The following RIN2 variants were observed in gnomAD, a reference collection of about 807,000 sequenced individuals.
The protein encoded by RIN2 is Ras and Rab interactor 2.
Under a neutral mutation model 78.0 loss-of-function variants are expected in RIN2, and 36 were observed. The observed-to-expected ratio is 0.46, with a 90% CI of 0.35 to 0.61. RIN2 has a LOEUF of 0.61. Ranked by LOEUF, RIN2 falls within the 20% of genes least tolerant of loss-of-function variation. The pLI is 0.00. For synonymous variants in RIN2, 466 were observed against 466.8 expected (o/e 1.00, Z 0.02); for missense variants, 1,087 against 1,159.7 (o/e 0.94, Z 0.91).
At chr20:19,938,988 C>T (rs1446339309) in intron 4 of RIN2, among the ~76,000 whole-genome samples, 1 of 152,184 alleles carries the variant, frequency 6.6e-6, no homozygotes, top group Non-Finnish European at 1.5e-5. Context: ...TCAATGGTGC[C>T]TCTATTCCTG....
At chr20:19,901,506 G>T (rs921918707) in intron 3 of RIN2, among the ~76,000 whole-genome samples, 1 of 152,196 alleles carries the variant, frequency 6.6e-6, no homozygotes, top group East Asian at 1.9e-4. Flanking sequence ...ACGATTGAGG[G>T]GCGGCTCTTC....
At chr20:19,941,225 G>A (rs1229369462) in intron 4 of RIN2, among the ~76,000 whole-genome samples, 1 of 152,190 alleles carries the variant, frequency 6.6e-6, no homozygotes, top group Non-Finnish European at 1.5e-5. Flanking sequence ...CAGTGGCTAT[G>A]TGACAGCATT....
At chr20:19,962,503 T>C (rs1292001666) in intron 6 of RIN2, among the ~76,000 whole-genome samples, 1 of 152,038 alleles carries the variant, frequency 6.6e-6, no homozygotes, top group Non-Finnish European at 1.5e-5. Flanking sequence ...CGAAGGTTTT[T>C]CCCCCATAAT....
intron 1 of RIN2, among the ~76,000 whole-genome samples, chr20:19,758,577 G>A (rs940121703): frequency 1.3e-5 from 2 of 152,196 alleles, no homozygotes; most frequent in African/African-American, 4.8e-5. Context: ...AGCGCGAGGT[G>A]GCCGCTGGTC....
intron 2 of RIN2, among the ~76,000 whole-genome samples, chr20:19,885,961 A>T (rs1274954732): frequency 2.3e-5 from 3 of 130,388 alleles, no homozygotes; most frequent in Non-Finnish European, 4.8e-5. Flanking sequence ...AGAGGAGAGG[A>T]GCGGAGGGGA....
intron 1 of RIN2, among the ~76,000 whole-genome samples, chr20:19,776,983 C>T (rs915487247): frequency 2.6e-5 from 4 of 152,164 alleles, no homozygotes; most frequent in Non-Finnish European, 5.9e-5. Flanking sequence ...TCATATTTGG[C>T]TCAGAATAAA....
rs367600361 is a variant in RIN2, at chr20:19,975,279, A to G, written c.1254A>G (p.Ser418=). ...CTRAPPPSSE[S]RPPCHGGRQR... ...GGGCCCCGCCGCCCAGCTCTGAATC[A>G]CGGCCCCCGTGCCATGGAGGCCGGC... The change falls in exon 9 of 13, where the codon TCA becomes TCG. Residue 418 remains serine, a synonymous_variant. Coordinates refer to ENST00000255006, the MANE Select transcript of RIN2 (RefSeq NM_018993.4). This position sits in a 1 kb window ranked among gnomAD's most constrained non-coding sequence, Gnocchi z 4.9. The G allele has an allele frequency of 4.8e-5, 76 of 1,596,354 alleles. No homozygotes were observed. Among genetic ancestry groups the G allele is most frequent in the Admixed American group, 2.1e-4 (12 of 57,152 alleles).
intron 2 of RIN2, among the ~76,000 whole-genome samples, chr20:19,824,815 T>C (rs537391121): frequency 1.2e-4 from 19 of 152,328 alleles, no homozygotes; most frequent in African/African-American, 4.6e-4. Flanking sequence ...GTCCCGCCGA[T>C]GATCATTTCC....
chr20:19,923,430 A>T (rs867785399), intron 3 of RIN2, among the ~76,000 whole-genome samples: 1 of 112,216 alleles, frequency 8.9e-6, no homozygotes, highest in African/African-American at 4.3e-5. Flanking sequence ...TAAAATAAAT[A>T]AAATAAAATA....
At chr20:19,846,626 G>A (rs539252385) in intron 2 of RIN2, among the ~76,000 whole-genome samples, 75 of 152,238 alleles carry the variant, frequency 4.9e-4, no homozygotes, top group African/African-American at 1.7e-3. Flanking sequence ...GGGCTGAGAC[G>A]GTGGGGTTTT....
At chr20:19,890,927 A>G (rs2038431065) in intron 3 of RIN2, among the ~76,000 whole-genome samples, 1 of 152,224 alleles carries the variant, frequency 6.6e-6, no homozygotes, top group Admixed American at 6.5e-5. Flanking sequence ...GGACTGGTGG[A>G]TACAGCAAGA....
chr20:19,940,713 TCTCC>T (rs1171325932), intron 4 of RIN2, among the ~76,000 whole-genome samples: 2 of 152,280 alleles, frequency 1.3e-5, no homozygotes, highest in Non-Finnish European at 2.9e-5. Flanking sequence ...TTCACTCCCC[TCTCC>T]CTCCCACATG....
intron 3 of RIN2, among the ~76,000 whole-genome samples, chr20:19,911,486 C>T (rs537702407): frequency 1.3e-5 from 2 of 152,326 alleles, no homozygotes; most frequent in East Asian, 1.9e-4. Flanking sequence ...CTAAATCCTC[C>T]TTGTGTATTT....
chr20:19,835,351 C>G (rs917394000), intron 2 of RIN2, among the ~76,000 whole-genome samples: 2 of 152,182 alleles, frequency 1.3e-5, no homozygotes, highest in South Asian at 4.1e-4. Flanking sequence ...GTATATAAAT[C>G]TTCTTTATTG....
intron 5 of RIN2, among the ~76,000 whole-genome samples, chr20:19,957,725 AGCTTCTT>A (rs1264599212): frequency 2.6e-5 from 4 of 152,210 alleles, no homozygotes; most frequent in Non-Finnish European, 5.9e-5. Flanking sequence ...CCAATATGGT[AGCTTCTT>A]GCCCCATGTG....
At chr20:19,950,614 T>C (rs995497859) in intron 4 of RIN2, among the ~76,000 whole-genome samples, 7 of 152,220 alleles carry the variant, frequency 4.6e-5, no homozygotes, top group Admixed American at 3.9e-4. Context: ...ATGTTTATAC[T>C]TTGCCCTTAA....
chr20:19,801,237 A>G (rs2035231650), intron 2 of RIN2, among the ~76,000 whole-genome samples: 1 of 152,006 alleles, frequency 6.6e-6, no homozygotes, highest in Admixed American at 6.5e-5. Context: ...ATATTACACA[A>G]TATTCTTTTC....
intron 4 of RIN2, among the ~76,000 whole-genome samples, chr20:19,951,279 A>G (rs1426441229): frequency 6.6e-6 from 1 of 152,132 alleles, no homozygotes; most frequent in Non-Finnish European, 1.5e-5. Flanking sequence ...ACCTGTATTA[A>G]TCCTACAGCC....
rs1009684980 is a variant in RIN2 at position 19,824,293 on chromosome 20, T to A, written c.-37+24546T>A. 5.9e-5 allele frequency among the ~76,000 whole-genome samples: 9 copies of A among 152,228 alleles called. No homozygotes were observed. In the East Asian group the frequency reaches 1.7e-3, roughly 29 times the overall value. The stretch of plus-strand genomic sequence containing the variant: ...TGAGTGAACATGAGATAATTTTAGA[T>A]GGAACATCTTTTTTGGGCTTAGGGG... On this transcript the variant is annotated intron_variant, in intron 2 of 12. Coordinates refer to ENST00000255006, the MANE Select transcript of RIN2 (RefSeq NM_018993.4).
Sources: gnomAD v4.1 joint callset for allele counts (sites outside exome capture counted in the v4.1 genomes callset) on GRCh38, gnomAD v4.1.1 for gene constraint, Gnocchi (gnomAD v3.1) non-coding constraint, MANE v1.5 for transcripts, NCBI Gene and HGNC (gene_info 2026-07-23, HGNC 2026-07-21) for gene names.